Variants in HOXB6 observed in about 807,000 individuals in gnomAD.
HOXB6 encodes the protein homeobox protein Hox-B6.
In HOXB6, 18 loss-of-function variants were observed where a neutral mutation model predicts 24.2. The ratio of observed to expected loss-of-function variants is 0.74; its 90% confidence interval spans 0.51 to 1.10. The LOEUF (loss-of-function observed/expected upper bound fraction) is 1.10. HOXB6 is among the 50% of genes least tolerant of loss of function. The pLI, the probability that HOXB6 is intolerant of heterozygous loss-of-function variation, is 0.00. For synonymous variants in HOXB6, 159 were observed against 139.1 expected (o/e 1.14, Z -1.01); for missense variants, 332 against 308.3 (o/e 1.08, Z -0.58).
At chr17:48,597,327 T>A (rs971277253) in intron 3 of HOXB6, among the ~76,000 whole-genome samples, 1 of 152,036 alleles carries the variant, frequency 6.6e-6, no homozygotes, top group Non-Finnish European at 1.5e-5. Context: ...CGTCACCCCC[T>A]ACCCCCTTGC....
chr17:48,597,969 G>C lies in HOXB6; in HGVS notation c.182C>G (p.Pro61Arg). The change falls in exon 3 of 4, where the codon CCG becomes CGG. Residue 61 changes from proline (P) to arginine (R), a missense_variant. Transcript: ENST00000225648. ...KGFATSSYYP[P>R]AGGGYGRAAP... ...CGCTCGGCCGTAGCCACCGCCCGCC[G>C]GCGGGTAATAGGAGGAAGTGGCAAA... The C allele has an allele frequency of 6.3e-7, 1 of 1,582,660 alleles. No homozygotes were observed. Among genetic ancestry groups the C allele is most frequent in the Non-Finnish European group, 8.6e-7 (1 of 1,164,580 alleles).
At chr17:48,603,430 C>T (rs1165490456) in intron 2 of HOXB6, among the ~76,000 whole-genome samples, 1 of 152,172 alleles carries the variant, frequency 6.6e-6, no homozygotes, top group Admixed American at 6.5e-5. Flanking sequence ...GAGCTCAGTG[C>T]CAGTTAGCTT....
In HOXB6 at chr17:48,596,598, CCTT is replaced by C. The variant is rs758535483; in HGVS notation, c.487_489del (p.Lys163del). On this transcript the variant is annotated inframe_deletion, in exon 4 of 4. Transcript: ENST00000225648. This position sits in a 1 kb window ranked among gnomAD's most constrained non-coding sequence, Gnocchi z 4.8. Reference sequence around the variant, plus strand: ...GTCAGGTAGCGATTGTAGTGAAACTCCTTCTCCAGCTCCAGCGTCTGGTAACGT... The same window carrying C: ...GTCAGGTAGCGATTGTAGTGAAACTCCTCCAGCTCCAGCGTCTGGTAACGT... 2 of 1,614,224 alleles carry C rather than the reference CCTT, an allele frequency of 1.2e-6. No individual in the cohort carries two copies. The highest frequency in any genetic ancestry group is 1.1e-5 in the South Asian group (1 of 91,088).
chr17:48,595,754 A>G lies in HOXB6; in HGVS notation c.*659T>C, dbSNP rs140302117. 2.3e-3 allele frequency: 420 copies of G among 185,386 alleles called. 1 individual carries two copies. The highest frequency in any genetic ancestry group is 3.2e-3 in the Non-Finnish European group (279 of 87,838). 11.5% of individuals were successfully genotyped at this position (185,386 alleles called of 1,614,324 possible). A position where few individuals can be genotyped will look rare whatever the true frequency, so the allele number is the denominator to read the frequency against. ...GAGGATTGGAGGTGACCGAGCGTCG[A>G]GTTTTCACATCTTTATTATTGTTGT... On this transcript the variant is annotated 3_prime_UTR_variant, in exon 4 of 4. Coordinates refer to ENST00000225648, the MANE Select transcript of HOXB6 (RefSeq NM_018952.5).
chr17:48,602,529 A>C lies in HOXB6; in HGVS notation c.-79+1951T>G, dbSNP rs2070493263. The stretch of plus-strand genomic sequence containing the variant: ...CTTGCCAGCCGCCAGGTTTGGGGCT[A>C]GGATGGGCGGGGACGGGGGCAGTGG... On this transcript the variant is annotated intron_variant, in intron 2 of 3. Coordinates refer to ENST00000225648, the MANE Select transcript of HOXB6 (RefSeq NM_018952.5). The C allele has an allele frequency of 3.4e-5, 8 of 236,660 alleles. No homozygotes were observed. In the South Asian group the frequency reaches 4.1e-4, roughly 12 times the overall value. 14.7% of individuals were successfully genotyped at this position (236,660 alleles called of 1,614,324 possible). A position where few individuals can be genotyped will look rare whatever the true frequency, so the allele number is the denominator to read the frequency against.
At chr17:48,599,348 A>T (rs987709626) in intron 2 of HOXB6, among the ~76,000 whole-genome samples, 1 of 152,186 alleles carries the variant, frequency 6.6e-6, no homozygotes, top group African/African-American at 2.4e-5. Context: ...CTGATAGTTG[A>T]GGCAGTCAGA....
At chr17:48,604,074 C>T (rs2070528810) in intron 2 of HOXB6, 1 of 152,746 alleles carries the variant, frequency 6.5e-6, no homozygotes. Context: ...GGGCAATAGC[C>T]AGAGGCCGAG....
rs78171365 is a variant in HOXB6 at position 48,595,844 on chromosome 17, G to A, written c.*569C>T. The A allele has an allele frequency of 2.7e-3, 614 of 230,336 alleles. 3 individuals carry two copies. The highest frequency in any genetic ancestry group is 2.8e-3 in the Admixed American group (54 of 19,164). 14.3% of individuals were successfully genotyped at this position (230,336 alleles called of 1,614,324 possible). On this transcript the variant is annotated 3_prime_UTR_variant, in exon 4 of 4. Transcript: ENST00000225648. The stretch of plus-strand genomic sequence containing the variant: ...CATCATCATCATCGAAGTATTTCAC[G>A]TCCAGAGCTAAGACAAGACTACAAA...
At position 48,597,511 on chromosome 17, in the gene HOXB6, C is replaced by T. The variant is rs1274204430; in HGVS notation, c.415+225G>A. Among the ~76,000 whole-genome samples, 6 of 152,272 alleles carry T rather than the reference C, an allele frequency of 3.9e-5. No homozygotes were observed. The East Asian group carries it at 1.2e-3, about 29-fold the overall frequency. On this transcript the variant is annotated intron_variant, in intron 3 of 3. Coordinates refer to ENST00000225648, the MANE Select transcript of HOXB6 (RefSeq NM_018952.5). ...GCGCCCCAGGAGAGCACACTTGCTCCCCATGGCTCCCAGTGCGGCTGGGAC... is the reference window on the plus strand; with the variant it reads ...GCGCCCCAGGAGAGCACACTTGCTCTCCATGGCTCCCAGTGCGGCTGGGAC...
chr17:48,603,314 G>T (rs2070512735), intron 2 of HOXB6, among the ~76,000 whole-genome samples: 1 of 152,050 alleles, frequency 6.6e-6, no homozygotes, highest in Admixed American at 6.5e-5. Flanking sequence ...CACCCCACGA[G>T]CTACTTTAGG....
intron 2 of HOXB6, among the ~76,000 whole-genome samples, chr17:48,603,548 A>G (rs2070517294): frequency 6.6e-6 from 1 of 152,214 alleles, no homozygotes; most frequent in Non-Finnish European, 1.5e-5. Context: ...AAAGGCACTT[A>G]ACAGCTTCTT....
chr17:48,602,716 G>A (rs770936304), intron 2 of HOXB6, among the ~76,000 whole-genome samples: 17 of 152,228 alleles, frequency 1.1e-4, no homozygotes, highest in Non-Finnish European at 2.2e-4. Flanking sequence ...ACAGTGTCGC[G>A]GGGCTTGCGG....
chr17:48,602,407 G>A lies in HOXB6; in HGVS notation c.-79+2073C>T, dbSNP rs554354594. On this transcript the variant is annotated intron_variant, in intron 2 of 3. Coordinates refer to ENST00000225648, the MANE Select transcript of HOXB6 (RefSeq NM_018952.5). ...GGTGGGGGTGGGGATGGCGGTGGGGGTGTCGGCTCTGATCCCTCCACCCTT... is the reference window on the plus strand; with the variant it reads ...GGTGGGGGTGGGGATGGCGGTGGGGATGTCGGCTCTGATCCCTCCACCCTT... 932 of 365,200 alleles carry A rather than the reference G, an allele frequency of 2.6e-3. 3 individuals carry two copies. Among genetic ancestry groups the A allele is most frequent in the Non-Finnish European group, 3.9e-3 (724 of 186,632 alleles). The allele number at this position is 365,200 out of a possible 1,614,324, so 22.6% of individuals were successfully genotyped here.
chr17:48,596,573 G>A lies in HOXB6; in HGVS notation c.515C>T (p.Thr172Met). ...EKEFHYNRYLTRRRRIEIAHA... is the reference protein window; with the variant it reads ...EKEFHYNRYLMRRRRIEIAHA... ...CGCGATCTCGATGCGCCGCCGCCGCGTCAGGTAGCGATTGTAGTGAAACTC... is the reference window on the plus strand; with the variant it reads ...CGCGATCTCGATGCGCCGCCGCCGCATCAGGTAGCGATTGTAGTGAAACTC... The change falls in exon 4 of 4, where the codon ACG (threonine) becomes ATG (methionine). Residue 172 changes from threonine to methionine, a missense_variant. Physicochemically the swap from Thr to Met is moderately conservative, Grantham distance 81 (BLOSUM62 -1). Transcript: ENST00000225648. The surrounding 1 kb of genome is among the most constrained non-coding windows in gnomAD (Gnocchi z 4.8). 2 of 1,614,218 alleles carry A rather than the reference G, an allele frequency of 1.2e-6. No homozygotes were observed. Among genetic ancestry groups the A allele is most frequent in the Non-Finnish European group, 1.7e-6 (2 of 1,180,046 alleles).
intron 2 of HOXB6, among the ~76,000 whole-genome samples, chr17:48,601,163 G>C (rs1405753141): frequency 6.6e-6 from 1 of 152,072 alleles, no homozygotes; most frequent in African/African-American, 2.4e-5. Context: ...GGTGGGGTGG[G>C]ATGAAAATAT....
chr17:48,600,884 A>G (rs2070444471), intron 2 of HOXB6, among the ~76,000 whole-genome samples: 1 of 152,178 alleles, frequency 6.6e-6, no homozygotes, highest in Non-Finnish European at 1.5e-5. Context: ...GTGAGTCTGC[A>G]GTCCTGTGGG....
chr17:48,601,015 T>TGTGTG (rs1555645472), intron 2 of HOXB6, among the ~76,000 whole-genome samples: 9 of 149,162 alleles, frequency 6.0e-5, no homozygotes, highest in Non-Finnish European at 1.3e-4. Flanking sequence ...TGTGTGTGTG[T>TGTGTG]GTGTGGTGTG....
At chr17:48,602,066 C>A (rs1262138759) in intron 2 of HOXB6, 1 of 454,432 alleles carries the variant, frequency 2.2e-6, no homozygotes, top group African/African-American at 2.0e-5. Context: ...TTTCCCAAAT[C>A]ATATTTAGGT....
At chr17:48,600,991 C>T (rs1038387307) in intron 2 of HOXB6, among the ~76,000 whole-genome samples, 9 of 145,658 alleles carry the variant, frequency 6.2e-5, no homozygotes, top group Admixed American at 1.4e-4. Context: ...GGGATATTTG[C>T]GTGTGTGTGT....
Sources: allele counts gnomAD v4.1 joint callset (sites outside exome capture counted in the v4.1 genomes callset), GRCh38; gene constraint gnomAD v4.1.1; non-coding constraint Gnocchi (gnomAD v3.1); transcripts MANE v1.5; gene names NCBI Gene and HGNC (gene_info 2026-07-23, HGNC 2026-07-21).